The following SGCD variants were observed in gnomAD, a reference collection of about 807,000 sequenced individuals.
SGCD encodes the protein delta-sarcoglycan.
Under a neutral mutation model 36.6 loss-of-function variants are expected in SGCD, and 18 were observed. The observed-to-expected ratio is 0.49, with a 90% confidence interval of 0.34 to 0.73. SGCD has a LOEUF of 0.73. Ranked by LOEUF, SGCD falls within the 30% of genes least tolerant of loss-of-function variation. The pLI is 0.01. For missense variants in SGCD, 387 were observed against 346.7 expected (o/e 1.12, Z -0.92); for synonymous variants, 133 against 130.6 (o/e 1.02, Z -0.12).
intron 4 of SGCD, among the ~76,000 whole-genome samples, chr5:156,558,273 C>T (rs928017940): frequency 6.6e-6 from 1 of 151,560 alleles, no homozygotes; most frequent in Non-Finnish European, 1.5e-5. Flanking sequence ...GCTTCCTTAC[C>T]TGGAAATAGC....
chr5:155,982,822 A>G (rs1758255589), intron 1 of SGCD, among the ~76,000 whole-genome samples: 1 of 152,080 alleles, frequency 6.6e-6, no homozygotes, highest in Non-Finnish European at 1.5e-5. Flanking sequence ...CCTATCTCCA[A>G]AGTATTTCAA....
intron 3 of SGCD, among the ~76,000 whole-genome samples, chr5:156,185,168 A>C (rs7729219): frequency 0.51 from 77,156 of 150,340 alleles, 20,540 homozygotes; most frequent in East Asian, 0.62. Flanking sequence ...CAGTAAAATG[A>C]CTGGCTTTGT....
intron 1 of SGCD, among the ~76,000 whole-genome samples, chr5:155,918,950 A>G (rs913914808): frequency 5.3e-5 from 8 of 152,236 alleles, no homozygotes; most frequent in Non-Finnish European, 1.2e-4. Flanking sequence ...AAAGAGAGGA[A>G]GGCTGAAAAT....
chr5:156,075,914 A>G (rs1760770917), intron 1 of SGCD, among the ~76,000 whole-genome samples: 2 of 152,200 alleles, frequency 1.3e-5, no homozygotes, highest in Non-Finnish European at 2.9e-5. Context: ...TAGCTATTCA[A>G]AAGCTGTTTT....
intron 1 of SGCD, among the ~76,000 whole-genome samples, chr5:155,940,840 G>A (rs890790493): frequency 1.1e-4 from 16 of 149,122 alleles, no homozygotes; most frequent in African/African-American, 2.5e-4. Flanking sequence ...GCAAGAATCC[G>A]TCTCAAAACA....
intron 1 of SGCD, among the ~76,000 whole-genome samples, chr5:155,968,091 T>C (rs1293947402): frequency 6.6e-6 from 1 of 152,126 alleles, no homozygotes; most frequent in Non-Finnish European, 1.5e-5. Context: ...TTGGTCATTT[T>C]TTATAGGAAA....
intron 1 of SGCD, among the ~76,000 whole-genome samples, chr5:156,085,099 A>AT (rs34420220): frequency 3.8e-4 from 57 of 150,534 alleles, no homozygotes; most frequent in Middle Eastern, 6.8e-3. Context: ...TGGTTTACTA[A>AT]TTTTTTTTTT....
At chr5:156,215,484 A>C (rs950759294) in intron 3 of SGCD, among the ~76,000 whole-genome samples, 3 of 152,138 alleles carry the variant, frequency 2.0e-5, no homozygotes, top group Admixed American at 2.0e-4. Flanking sequence ...ACTCAATAGC[A>C]AGAAGACAAA....
At chr5:156,381,175 A>T (rs1198957976) in intron 3 of SGCD, among the ~76,000 whole-genome samples, 1 of 152,208 alleles carries the variant, frequency 6.6e-6, no homozygotes, top group South Asian at 2.1e-4. Context: ...GCATTCTAGC[A>T]GTTCTGAGGC....
intron 3 of SGCD, among the ~76,000 whole-genome samples, chr5:156,284,910 G>A (rs1287997020): frequency 6.6e-6 from 1 of 152,102 alleles, no homozygotes; most frequent in African/African-American, 2.4e-5. Context: ...ACATGATTGT[G>A]TATCTAGAAA....
chr5:156,110,681 C>T lies in SGCD; in HGVS notation c.-281-7197C>T, dbSNP rs141317809. On this transcript the variant is annotated intron_variant, in intron 1 of 9. Coordinates refer to the SGCD transcript ENST00000517913. Reference sequence around the variant, plus strand: ...ACTTAAAAAAAAAAACTCTCTTTCCCATATCCAAGATAACTTTTCAAATTA... The same window carrying T: ...ACTTAAAAAAAAAAACTCTCTTTCCTATATCCAAGATAACTTTTCAAATTA... Among the ~76,000 whole-genome samples, 373 of 152,044 alleles carry T rather than the reference C, an allele frequency of 2.5e-3. 1 individual carries two copies. Among genetic ancestry groups the T allele is most frequent in the African/African-American group, 7.5e-3 (311 of 41,492 alleles).
intron 3 of SGCD, among the ~76,000 whole-genome samples, chr5:156,403,286 T>C (rs1772246917): frequency 6.6e-6 from 1 of 152,204 alleles, no homozygotes; most frequent in Admixed American, 6.5e-5. Context: ...AATTTCTCCA[T>C]TCCTGGTACA....
chr5:155,815,560 TCGTGGTTCCACAGG>T, the SGCD span, among the ~76,000 whole-genome samples: 1 of 152,226 alleles, frequency 6.6e-6, no homozygotes, highest in African/African-American at 2.4e-5. Context: ...TTTAATTTTC[TCGTGGTTCCACAGG>T]CTGTACAGGA....
chr5:156,752,216 G>T (rs1195125716), intron 7 of SGCD, among the ~76,000 whole-genome samples: 1 of 152,162 alleles, frequency 6.6e-6, no homozygotes, highest in Non-Finnish European at 1.5e-5. Flanking sequence ...GTAGTGTATT[G>T]TTTAAGGATG....
chr5:156,582,268 A>G (rs554292380), intron 4 of SGCD, among the ~76,000 whole-genome samples: 3 of 152,280 alleles, frequency 2.0e-5, no homozygotes, highest in Admixed American at 1.3e-4. Context: ...TTTCCAGCCT[A>G]TCTCTGATCT....
intron 3 of SGCD, among the ~76,000 whole-genome samples, chr5:156,159,955 C>T (rs1457719801): frequency 6.6e-6 from 1 of 151,424 alleles, no homozygotes; most frequent in Non-Finnish European, 1.5e-5. Context: ...TTTCTTAAGT[C>T]CCATGGAAGA....
chr5:156,130,124 C>A (rs969024317), intron 3 of SGCD, among the ~76,000 whole-genome samples: 3 of 152,104 alleles, frequency 2.0e-5, no homozygotes. Flanking sequence ...ATAAGTGTTC[C>A]CTTTTCCCTG....
intron 4 of SGCD, among the ~76,000 whole-genome samples, chr5:156,520,582 A>G (rs1424797264): frequency 6.6e-6 from 1 of 152,182 alleles, no homozygotes; most frequent in African/African-American, 2.4e-5. Context: ...TTACCAAGAC[A>G]ATCCTAAGCA....
chr5:156,406,018 T>TAAAAAAAGAAAAAAAAAAAAAA (rs1772381403), intron 3 of SGCD, among the ~76,000 whole-genome samples: 1 of 103,984 alleles, frequency 9.6e-6, no homozygotes, highest in African/African-American at 4.1e-5. Flanking sequence ...TATCTTTGCT[T>TAAAAAAAGAAAAAAAAAAAAAA]AAAAAAAAAA....
Sources: allele counts gnomAD v4.1 joint callset (sites outside exome capture counted in the v4.1 genomes callset), GRCh38; gene constraint gnomAD v4.1.1; transcripts MANE v1.5; gene names NCBI Gene and HGNC (gene_info 2026-07-23, HGNC 2026-07-21).